The following YES1 variants were observed in gnomAD, a reference collection of about 807,000 sequenced individuals.
YES1 encodes the protein YES proto-oncogene 1, Src family tyrosine kinase, also known as tyrosine-protein kinase Yes.
YES1 carries 39 observed loss-of-function variants against 70.4 expected under a neutral mutation model. The observed-to-expected ratio is 0.55, with a 90% CI of 0.43 to 0.72. The LOEUF (loss-of-function observed/expected upper bound fraction) is 0.72, where lower values mean the gene tolerates loss of function less well. Ranked by LOEUF, YES1 falls within the 30% of genes least tolerant of loss-of-function variation. The pLI, the probability that YES1 is intolerant of heterozygous loss-of-function variation, is 0.00. For synonymous variants in YES1, 198 were observed against 218.6 expected, an observed-to-expected ratio of 0.91 and a Z score of 0.83; for missense variants, 495 against 644.8, an observed-to-expected ratio of 0.77 and a Z score of 2.52.
Position 745,870 on chromosome 18 carries a change from T to C in YES1, c.575-13A>G. Reference sequence around the variant, plus strand: ...AGGGAATAAGCACCTGGGTGAAAAATAAATACTTTCACTATATCTTTCTCA... The same window carrying C: ...AGGGAATAAGCACCTGGGTGAAAAACAAATACTTTCACTATATCTTTCTCA... On this transcript the variant is annotated splice_polypyrimidine_tract_variant and intron_variant, in intron 5 of 11. Coordinates refer to ENST00000314574, the MANE Select transcript of YES1 (RefSeq NM_005433.4). 1.2e-6 allele frequency: 2 copies of C among 1,609,290 alleles called. No individual in the cohort carries two copies. The highest frequency in any genetic ancestry group is 1.7e-6 in the Non-Finnish European group (2 of 1,178,756).
At chr18:734,482 G>A (rs2080129012) in intron 10 of YES1, among the ~76,000 whole-genome samples, 1 of 151,958 alleles carries the variant, frequency 6.6e-6, no homozygotes, top group Non-Finnish European at 1.5e-5. Flanking sequence ...CGAGAACCCG[G>A]GAGGCAGAGC....
At chr18:777,073 T>A (rs1438444467) in intron 1 of YES1, among the ~76,000 whole-genome samples, 2 of 152,216 alleles carry the variant, frequency 1.3e-5, no homozygotes, top group Non-Finnish European at 2.9e-5. Context: ...AGAAATTATT[T>A]CTGAAGCAGA....
chr18:747,042 G>C (rs1361968175), intron 4 of YES1, among the ~76,000 whole-genome samples: 1 of 152,170 alleles, frequency 6.6e-6, no homozygotes, highest in African/African-American at 2.4e-5. Flanking sequence ...TACAATGCAA[G>C]TGCTTAAATG....
chr18:763,531 C>CA lies in YES1; in HGVS notation c.-8-6697dup, dbSNP rs573498081. 5.3e-3 allele frequency among the ~76,000 whole-genome samples: 802 copies of CA among 151,502 alleles called. 8 individuals carry two copies. Among genetic ancestry groups the CA allele is most frequent in the Non-Finnish European group, 6.2e-3 (421 of 67,832 alleles). On this transcript the variant is annotated intron_variant, in intron 1 of 11. Transcript: ENST00000314574. The stretch of plus-strand genomic sequence containing the variant: ...GCGTCATGGCAGAACCCCGTCTCTA[C>CA]AAAAAATACAAAAAATTACCCAGTT...
chr18:765,039 G>C (rs1475927459), intron 1 of YES1, among the ~76,000 whole-genome samples: 1 of 150,930 alleles, frequency 6.6e-6, no homozygotes, highest in Non-Finnish European at 1.5e-5. Context: ...CGGCTTATCT[G>C]AATCTTTTAA....
At chr18:762,535 C>T (rs923634177) in intron 1 of YES1, among the ~76,000 whole-genome samples, 2 of 151,968 alleles carry the variant, frequency 1.3e-5, no homozygotes, top group East Asian at 3.9e-4. Context: ...CAAGAAAAAT[C>T]CCCCAAAATA....
chr18:751,503 A>T (rs545026425), intron 3 of YES1, among the ~76,000 whole-genome samples: 35 of 152,338 alleles, frequency 2.3e-4, no homozygotes, highest in African/African-American at 7.7e-4. Flanking sequence ...GAACCACAGC[A>T]GCACAAATTG....
intron 1 of YES1, among the ~76,000 whole-genome samples, chr18:767,855 A>C (rs971496311): frequency 1.3e-5 from 2 of 152,038 alleles, no homozygotes; most frequent in African/African-American, 4.8e-5. Flanking sequence ...CGTGCACCAC[A>C]ACAACTGGCT....
At chr18:786,968 T>C (rs1905981278) in intron 1 of YES1, among the ~76,000 whole-genome samples, 1 of 152,082 alleles carries the variant, frequency 6.6e-6, no homozygotes, top group Non-Finnish European at 1.5e-5. Context: ...AGGTAGTTAT[T>C]TGTAATTTTA....
intron 6 of YES1, among the ~76,000 whole-genome samples, chr18:745,428 T>C (rs1319005959): frequency 6.6e-6 from 1 of 152,190 alleles, no homozygotes; most frequent in African/African-American, 2.4e-5. Context: ...TTTAGGTTTA[T>C]TTTCATAAGG....
intron 3 of YES1, 56 bp downstream of exon 3, chr18:751,649 G>A: frequency 8.4e-7 from 1 of 1,188,730 alleles, no homozygotes; most frequent in Non-Finnish European, 1.2e-6. Context: ...AGTGGTTCCT[G>A]TGTAAAGACC....
intron 1 of YES1, among the ~76,000 whole-genome samples, chr18:795,905 GA>G (rs1319548464): frequency 1.1e-4 from 12 of 112,566 alleles, no homozygotes; most frequent in Admixed American, 8.8e-4. Flanking sequence ...ATGTATCCCA[GA>G]ACTTAAACAC....
intron 10 of YES1, 183 bp downstream of exon 10, chr18:736,625 T>A (rs563353349): frequency 1.3e-6 from 1 of 742,348 alleles, no homozygotes; most frequent in Non-Finnish European, 2.0e-6. Context: ...AGTCAAGTTC[T>A]TTCTTGGAGG....
rs747200359 is a variant in YES1, at chr18:743,263, T to C, written c.877A>G (p.Met293Val). 1.2e-6 allele frequency: 2 copies of C among 1,611,188 alleles called. No homozygotes were observed. Among genetic ancestry groups the C allele is most frequent in the South Asian group, 2.2e-5 (2 of 90,938 alleles). Reference sequence around the variant, plus strand: ...AACAAAAATTCAGGCTTCTTACCCATCCACACTTCGCCGAAACATCCTTGT... The same window carrying C: ...AACAAAAATTCAGGCTTCTTACCCACCCACACTTCGCCGAAACATCCTTGT... Reference protein sequence around the residue: ...LGQGCFGEVWMGTWNGTTKVA... With the variant: ...LGQGCFGEVWVGTWNGTTKVA... Residue 293 changes from methionine (M) to valine (V), a missense_variant, in exon 7 of 12, where the codon ATG becomes GTG. Around this residue, in one of 2 missense-constraint regions of YES1, gnomAD observed 385 missense variants for 540.9 expected, o/e 0.71. Coordinates refer to ENST00000314574, the MANE Select transcript of YES1 (RefSeq NM_005433.4).
At chr18:777,751 G>C (rs535491549) in intron 1 of YES1, among the ~76,000 whole-genome samples, 1 of 149,948 alleles carries the variant, frequency 6.7e-6, no homozygotes, top group Non-Finnish European at 1.5e-5. Flanking sequence ...AGGTTGCAAT[G>C]AGCTGAGATC....
intron 1 of YES1, among the ~76,000 whole-genome samples, chr18:760,272 C>T (rs1380543522): frequency 6.6e-6 from 1 of 152,062 alleles, no homozygotes; most frequent in East Asian, 1.9e-4. Flanking sequence ...GAGTTTGAGA[C>T]CAGCCTGGCC....
chr18:802,003 T>C (rs562324919), intron 1 of YES1, among the ~76,000 whole-genome samples: 1 of 152,366 alleles, frequency 6.6e-6, no homozygotes, highest in African/African-American at 2.4e-5. Context: ...GTTAGTGTAA[T>C]AACACATCTT....
At chr18:756,876 C>G in intron 1 of YES1, 41 bp from the exon 2 acceptor site, 2 of 1,532,928 alleles carry the variant, frequency 1.3e-6, no homozygotes, top group South Asian at 1.2e-5. Flanking sequence ...AGTTAACACA[C>G]AGGATACTTC....
intron 1 of YES1, among the ~76,000 whole-genome samples, chr18:808,764 T>C (rs977751904): frequency 1.3e-5 from 2 of 152,224 alleles, no homozygotes; most frequent in African/African-American, 4.8e-5. Context: ...AGCAAGCCAT[T>C]ACATAAAGCA....
Sources: allele counts gnomAD v4.1 joint callset (sites outside exome capture counted in the v4.1 genomes callset), GRCh38; gene constraint gnomAD v4.1.1; regional missense constraint gnomAD v4.1.1; transcripts MANE v1.5; gene names NCBI Gene and HGNC (gene_info 2026-07-23, HGNC 2026-07-21).